The following ZNF347 variants were observed in gnomAD, a reference collection of about 807,000 sequenced individuals.
The protein encoded by ZNF347 is zinc finger protein 347, also known as CTD-2620I22.7.
Under a neutral mutation model 12.9 loss-of-function variants are expected in ZNF347, and 19 were observed. The observed-to-expected ratio is 1.47, with a 90% confidence interval of 1.03 to 2.16. The LOEUF (loss-of-function observed/expected upper bound fraction) is 2.16. Ranked by LOEUF, ZNF347 falls within the 30% of genes most tolerant of loss-of-function variation. The pLI, the probability that ZNF347 is intolerant of heterozygous loss-of-function variation, is 0.00. For synonymous variants in ZNF347, 328 were observed against 340.6 expected (o/e 0.96, Z 0.41); for missense variants, 1,005 against 990.6 (o/e 1.01, Z -0.19).
In ZNF347 at chr19:53,139,877, G is replaced by A; in HGVS notation, c.*431C>T. On this transcript the variant is annotated 3_prime_UTR_variant, in exon 5 of 5. Coordinates refer to ENST00000334197, the MANE Select transcript of ZNF347 (RefSeq NM_032584.3). ...GATGTCTATTAATACTTGAACTCAT[G>A]AGGAGTTTGCCACAGTCATTGCATT... 6.1e-6 allele frequency: 1 copy of A among 164,008 alleles called. No individual in the cohort carries two copies. 10.2% of individuals were successfully genotyped at this position (164,008 alleles called of 1,614,324 possible).
At chr19:53,147,541 TAG>T (rs147437816) in intron 4 of ZNF347, among the ~76,000 whole-genome samples, 3 of 150,780 alleles carry the variant, frequency 2.0e-5, no homozygotes, top group Non-Finnish European at 3.0e-5. Flanking sequence ...CTGGGTGAGA[TAG>T]AGAGAGAGAG....
chr19:53,146,164 G>A (rs1332733370), intron 4 of ZNF347, among the ~76,000 whole-genome samples: 2 of 151,642 alleles, frequency 1.3e-5, no homozygotes, highest in South Asian at 2.1e-4. Flanking sequence ...TAGTAGAGAT[G>A]GGGTTTCTCC....
At chr19:53,158,900 CAAAAAAAAAAA>C (rs398035032) in intron 1 of ZNF347, 98 bp downstream of exon 1, 1 of 108,610 alleles carries the variant, frequency 9.2e-6, no homozygotes, top group African/African-American at 4.0e-5. Context: ...TCCGTCTCAC[CAAAAAAAAAAA>C]AAAAGAAAAA....
rs778533690 is a variant in ZNF347 at position 53,140,663 on chromosome 19, G to C, written c.2165C>G (p.Ser722Ter). The change falls in exon 5 of 5, where the codon TCA becomes TGA. Residue 722 changes from serine (S) to a stop codon, truncating the protein, a stop_gained. Coordinates refer to ENST00000334197, the MANE Select transcript of ZNF347 (RefSeq NM_032584.3). LOFTEE classifies it low-confidence loss of function (END_TRUNC). ...GATTGCCTGATGGGTAGTTAGGCTT[G>C]AACGGACACTAAAGGCTTTCCCACA... ...NQCGKAFSVR[S>*]SLTTHQAIHT... The C allele has an allele frequency of 6.2e-7, 1 of 1,613,640 alleles. No individual in the cohort carries two copies. Among genetic ancestry groups the C allele is most frequent in the Non-Finnish European group, 8.5e-7 (1 of 1,179,990 alleles).
intron 2 of ZNF347, among the ~76,000 whole-genome samples, chr19:53,153,148 A>G (rs1306820664): frequency 6.6e-6 from 1 of 152,092 alleles, no homozygotes; most frequent in Non-Finnish European, 1.5e-5. Context: ...GGTTGATTTC[A>G]TGTATTAAAA....
intron 1 of ZNF347, among the ~76,000 whole-genome samples, chr19:53,156,014 T>C (rs1318709064): frequency 8.8e-6 from 1 of 114,268 alleles, no homozygotes; most frequent in Non-Finnish European, 1.7e-5. Context: ...TTTCCCACAA[T>C]GACCAGGGGA....
At chr19:53,145,220 GGTGGAGGATGCA>G (rs992239952) in intron 4 of ZNF347, among the ~76,000 whole-genome samples, 2 of 151,022 alleles carry the variant, frequency 1.3e-5, no homozygotes, top group Non-Finnish European at 2.9e-5. Flanking sequence ...GATCCCAGGA[GGTGGAGGATGCA>G]GTGAGCCAAG....
chr19:53,153,340 G>C (rs1455496459), intron 2 of ZNF347, among the ~76,000 whole-genome samples: 3 of 152,174 alleles, frequency 2.0e-5, no homozygotes, highest in East Asian at 1.9e-4. Flanking sequence ...ACATAATTTA[G>C]CAAGTATTTG....
In ZNF347 at chr19:53,138,690, A is replaced by G. The variant is rs568823847; in HGVS notation, c.*1618T>C. The G allele has an allele frequency of 1.1e-3, 172 of 152,218 alleles. No individual in the cohort carries two copies. Among genetic ancestry groups the G allele is most frequent in the African/African-American group, 3.8e-3 (158 of 41,542 alleles). 9.4% of individuals were successfully genotyped at this position (152,218 alleles called of 1,614,324 possible). The stretch of plus-strand genomic sequence containing the variant: ...TGTTGATTCCACAAAGAAAAAAAAA[A>G]TTGTTCTACATCCTCCAACCTAAAA... On this transcript the variant is annotated 3_prime_UTR_variant, in exon 5 of 5. Coordinates refer to ENST00000334197, the MANE Select transcript of ZNF347 (RefSeq NM_032584.3).
Position 53,141,415 on chromosome 19 carries a change from G to A in ZNF347, c.1413C>T (p.His471=), listed in dbSNP as rs756895814. Residue 471 remains histidine, a synonymous_variant, in exon 5 of 5, where the codon CAC becomes CAT. Coordinates refer to ENST00000334197, the MANE Select transcript of ZNF347 (RefSeq NM_032584.3). ...ECGKVFRRNS[H]LARHQLIHTG... Reference sequence around the variant, plus strand: ...TATGAATTAGCTGATGCCTTGCAAGGTGTGAATTACGCCTAAAGACCTTGC... The same window carrying A: ...TATGAATTAGCTGATGCCTTGCAAGATGTGAATTACGCCTAAAGACCTTGC... The A allele has an allele frequency of 6.2e-6, 10 of 1,613,840 alleles. No homozygotes were observed. The highest frequency in any genetic ancestry group is 8.5e-6 in the Non-Finnish European group (10 of 1,179,896).
In ZNF347 at chr19:53,135,321, TATATATATATATATATATAG is replaced by T. The variant is rs1217680987; in HGVS notation, c.*4967_*4986del. 5.2e-3 allele frequency: 322 copies of T among 62,054 alleles called. No individual in the cohort carries two copies. Among genetic ancestry groups the T allele is most frequent in the South Asian group, 0.026 (45 of 1,740 alleles). The allele number at this position is 62,054 out of a possible 1,614,324, so 3.8% of individuals were successfully genotyped here. A position where few individuals can be genotyped will look rare whatever the true frequency, so the allele number is the denominator to read the frequency against. On this transcript the variant is annotated 3_prime_UTR_variant, in exon 5 of 5. Coordinates refer to ENST00000334197, the MANE Select transcript of ZNF347 (RefSeq NM_032584.3). ...CTAAATATATATATATATATATATA[TATATATATATATATATATAG>T]AGAGAGAGAGAGAGAGAGAGAGAGA...
intron 2 of ZNF347, among the ~76,000 whole-genome samples, chr19:53,150,235 T>C (rs2090488864): frequency 6.6e-6 from 1 of 151,982 alleles, no homozygotes; most frequent in Non-Finnish European, 1.5e-5. Flanking sequence ...GAATAGGAGG[T>C]CACTCAGCTG....
At chr19:53,144,317 G>A (rs1003857143) in intron 4 of ZNF347, among the ~76,000 whole-genome samples, 3 of 152,094 alleles carry the variant, frequency 2.0e-5, no homozygotes, top group Non-Finnish European at 4.4e-5. Flanking sequence ...AATCAAAAAA[G>A]AGCAGTAGTA....
chr19:53,147,735 AGG>A (rs1217449093), intron 4 of ZNF347, among the ~76,000 whole-genome samples: 3 of 152,130 alleles, frequency 2.0e-5, no homozygotes, highest in Non-Finnish European at 4.4e-5. Flanking sequence ...AGAAAACTAT[AGG>A]CCACTACCCC....
At chr19:53,155,624 T>A (rs1568645118) in intron 1 of ZNF347, among the ~76,000 whole-genome samples, 1 of 152,138 alleles carries the variant, frequency 6.6e-6, no homozygotes, top group Non-Finnish European at 1.5e-5. Context: ...TGTAAGCCGC[T>A]GTGCCCAGCC....
intron 4 of ZNF347, among the ~76,000 whole-genome samples, chr19:53,147,187 C>T: frequency 6.6e-6 from 1 of 151,986 alleles, no homozygotes; most frequent in East Asian, 1.9e-4. Context: ...CCAGCCTGGC[C>T]AACATGGTGA....
Position 53,141,645 on chromosome 19 carries a change from G to C in ZNF347, c.1183C>G (p.His395Asp), listed in dbSNP as rs1001850600. ...CATTTGTAAGGTTTTTCTCCACTGT[G>C]GGTTGCCTGATGGATAGCTAAGCTT... ...RSSLAIHQAT[H>D]SGEKPYKCNE... Residue 395 changes from histidine to aspartate, a missense_variant, in exon 5 of 5, where the codon CAC (histidine) becomes GAC (aspartate). His to Asp is a moderately conservative substitution (Grantham distance 81). Transcript: ENST00000334197. The C allele has an allele frequency of 3.1e-6, 5 of 1,613,844 alleles. No individual in the cohort carries two copies. In the African/African-American group the frequency reaches 6.7e-5, roughly 22 times the overall value.
At position 53,136,441 on chromosome 19, in the gene ZNF347, C is replaced by T. The variant is rs2090388321; in HGVS notation, c.*3867G>A. 1 of 151,536 alleles carries T rather than the reference C, an allele frequency of 6.6e-6. No homozygotes were observed. Among genetic ancestry groups the T allele is most frequent in the African/African-American group, 2.4e-5 (1 of 41,246 alleles). 9.4% of individuals were successfully genotyped at this position (151,536 alleles called of 1,614,324 possible). ...TTAAAGTAAAAATCATATACAAAAA[C>T]AAAAAGTCATTTTACTACTATTGGC... On this transcript the variant is annotated 3_prime_UTR_variant, in exon 5 of 5. Transcript: ENST00000334197.
At chr19:53,147,563 A>AATAATG (rs1448681566) in intron 4 of ZNF347, among the ~76,000 whole-genome samples, 50 of 145,810 alleles carry the variant, frequency 3.4e-4, no homozygotes, top group Middle Eastern at 3.4e-3. Flanking sequence ...GACTATCTCA[A>AATAATG]ATAATAATAA....
Sources: gnomAD v4.1 joint callset for allele counts (sites outside exome capture counted in the v4.1 genomes callset) on GRCh38, gnomAD v4.1.1 for gene constraint, MANE v1.5 for transcripts, NCBI Gene and HGNC (gene_info 2026-07-23, HGNC 2026-07-21) for gene names.